PTK6: variants seen among roughly 807,000 people sequenced by gnomAD.
PTK6 encodes the protein protein tyrosine kinase 6.
Under a neutral mutation model 47.5 loss-of-function variants are expected in PTK6, and 47 were observed. The observed-to-expected ratio is 0.99, with a 90% CI of 0.78 to 1.26. The LOEUF is 1.26. Among genes scored for constraint, PTK6 ranks in the 50% most tolerant of loss-of-function variants. The pLI is 0.00. For synonymous variants in PTK6, 287 were observed against 276.5 expected (o/e 1.04, Z -0.38); for missense variants, 618 against 625.3 (o/e 0.99, Z 0.12).
Position 63,533,614 on chromosome 20 carries a change from C to A in PTK6, c.607G>T (p.Gly203Trp). ...LCRKLGSGYF[G>W]EVFEGLWKDR... ...TTCCAGAGCCCCTCGAAGACCTCCC[C>A]AAAGTAGCCGGACCCCAGCTTCCTG... is the stretch of plus-strand genomic sequence containing the variant. The change falls in exon 4 of 8, where the codon GGG becomes TGG. Residue 203 changes from glycine (G) to tryptophan (W), a missense_variant. Transcript: ENST00000542869. This position sits in a 1 kb window ranked among gnomAD's most constrained non-coding sequence, Gnocchi z 4.0. The A allele has an allele frequency of 6.2e-7, 1 of 1,614,008 alleles. No individual in the cohort carries two copies. The highest frequency in any genetic ancestry group is 8.5e-7 in the Non-Finnish European group (1 of 1,180,008).
rs1237127612 is a variant in PTK6, at chr20:63,528,930, G to A, written c.*606C>T. The A allele has an allele frequency of 6.6e-6, 1 of 152,258 alleles. No individual in the cohort carries two copies. Among genetic ancestry groups the A allele is most frequent in the Non-Finnish European group, 1.5e-5 (1 of 68,104 alleles). 9.4% of individuals were successfully genotyped at this position (152,258 alleles called of 1,614,324 possible). A position where few individuals can be genotyped will look rare whatever the true frequency, so the allele number is the denominator to read the frequency against. ...GCACTGACCCAGCGACAAAGGTGAA[G>A]GTGGGAAAAGCCCCTTGTGGACGTG... On this transcript the variant is annotated 3_prime_UTR_variant, in exon 8 of 8. Coordinates refer to ENST00000542869, the MANE Select transcript of PTK6 (RefSeq NM_005975.4).
rs1036602911 is a variant in PTK6 at position 63,536,982 on chromosome 20, G to A, written c.230+103C>T. ...TGGGGTGCAGGAAGATGGAACCGGGGTCCCCACCTTCTTGGGCCTCCCTGA... is the reference window on the plus strand; with the variant it reads ...TGGGGTGCAGGAAGATGGAACCGGGATCCCCACCTTCTTGGGCCTCCCTGA... On this transcript the variant is annotated intron_variant, in intron 1 of 7. Transcript: ENST00000542869. 3.2e-6 allele frequency: 4 copies of A among 1,261,164 alleles called. No homozygotes were observed. In the African/African-American group the frequency reaches 4.5e-5, roughly 14 times the overall value. 78.1% of individuals were successfully genotyped at this position (1,261,164 alleles called of 1,614,324 possible).
At position 63,532,634 on chromosome 20, in the gene PTK6, G is replaced by A; in HGVS notation, c.724C>T (p.Leu242=). 6.2e-7 allele frequency: 1 copy of A among 1,614,146 alleles called. No individual in the cohort carries two copies. The highest frequency in any genetic ancestry group is 1.1e-5 in the South Asian group (1 of 91,092). The change falls in exon 5 of 8, where the codon CTG becomes TTG. Residue 242 remains leucine (L), a synonymous_variant. Coordinates refer to ENST00000542869, the MANE Select transcript of PTK6 (RefSeq NM_005975.4). ...AGCGCCAGGATGTGTTTGTGCCGCA[G>A]CTTCTTCATGGCCTGGATCTCCGAC... ...LQSEIQAMKK[L]RHKHILALYA...
rs200350226 is a variant in PTK6 at position 63,537,106 on chromosome 20, C to T, written c.209G>A (p.Arg70Lys). The change falls in exon 1 of 8, where the codon AGG becomes AAG. Residue 70 changes from arginine (R) to lysine (K), a missense_variant. Physicochemically the swap from Arg to Lys is conservative, Grantham distance 26. Coordinates refer to ENST00000542869, the MANE Select transcript of PTK6 (RefSeq NM_005975.4). ...GCACGGTTCCGACTCCACCGTCTCC[C>T]TCTCGGCCAGGTAGTTGTGGGGCAC... ...GYVPHNYLAE[R>K]ETVESEPWFF... 1.4e-5 allele frequency: 22 copies of T among 1,610,384 alleles called. No homozygotes were observed. In the East Asian group the frequency reaches 4.7e-4, roughly 34 times the overall value.
At chr20:63,536,433 G>A (rs1253301612) in intron 1 of PTK6, among the ~76,000 whole-genome samples, 1 of 150,114 alleles carries the variant, frequency 6.7e-6, no homozygotes, top group Non-Finnish European at 1.5e-5. Flanking sequence ...TCCCCCGGGA[G>A]CTAACCCTAC....
Position 63,530,151 on chromosome 20 carries a change from G to T in PTK6, c.1095C>A (p.Ser365=), listed in dbSNP as rs1294226258. The change falls in exon 7 of 8, where the codon TCC becomes TCA. Residue 365 remains serine (S), a synonymous_variant. Transcript: ENST00000542869. The surrounding 1 kb of genome is among the most constrained non-coding windows in gnomAD (Gnocchi z 4.1). ...CAAAGGACCAGACGTCGGATTTGGTGGAGTAATGGCCTCGGGAGAGCGCTT... is the reference window on the plus strand; with the variant it reads ...CAAAGGACCAGACGTCGGATTTGGTTGAGTAATGGCCTCGGGAGAGCGCTT... ...APEALSRGHY[S]TKSDVWSFGI... 6.2e-7 allele frequency: 1 copy of T among 1,614,102 alleles called. No individual in the cohort carries two copies. The highest frequency in any genetic ancestry group is 2.2e-5 in the East Asian group (1 of 44,886).
At position 63,533,228 on chromosome 20, in the gene PTK6, C is replaced by T. The variant is rs538180523; in HGVS notation, c.670+323G>A. On this transcript the variant is annotated intron_variant, in intron 4 of 7. Transcript: ENST00000542869. The surrounding 1 kb of genome is among the most constrained non-coding windows in gnomAD (Gnocchi z 4.0). ...GACTACAGGCACATGCCTCCACACTCGGCTAATTTTTGTATTTTTAGTAGA... is the reference window on the plus strand; with the variant it reads ...GACTACAGGCACATGCCTCCACACTTGGCTAATTTTTGTATTTTTAGTAGA... 6.6e-5 allele frequency among the ~76,000 whole-genome samples: 10 copies of T among 152,154 alleles called. No homozygotes were observed. The East Asian group carries it at 9.7e-4, about 15-fold the overall frequency.
Position 63,528,271 on chromosome 20 carries a change from C to T in PTK6, c.*1265G>A, listed in dbSNP as rs544495428. 9 of 152,306 alleles carry T rather than the reference C, an allele frequency of 5.9e-5. No individual in the cohort carries two copies. Among genetic ancestry groups the T allele is most frequent in the East Asian group, 1.9e-4 (1 of 5,192 alleles). The allele number at this position is 152,306 out of a possible 1,614,324, so 9.4% of individuals were successfully genotyped here. ...ACTTAGTGTGACTTACTATTTCACA[C>T]GCTTTCCATCTCATGTAGCACATCG... On this transcript the variant is annotated 3_prime_UTR_variant, in exon 8 of 8. Transcript: ENST00000542869.
rs1390603176 is a variant in PTK6, at chr20:63,530,861, A to G, written c.899T>C (p.Met300Thr). 1 of 1,613,802 alleles carries G rather than the reference A, an allele frequency of 6.2e-7. No homozygotes were observed. Among genetic ancestry groups the G allele is most frequent in the African/African-American group, 1.3e-5 (1 of 74,906 alleles). The change falls in exon 6 of 8, where the codon ATG becomes ACG. Residue 300 changes from methionine to threonine, a missense_variant. Physicochemically the swap from Met to Thr is moderately conservative, Grantham distance 81. Coordinates refer to ENST00000542869, the MANE Select transcript of PTK6 (RefSeq NM_005975.4). This position sits in a 1 kb window ranked among gnomAD's most constrained non-coding sequence, Gnocchi z 4.1. ...GTAATTCTGCGACTCCAGGTAACACATGCCCTCAGCCACCTGCCAGGCGAT... is the reference window on the plus strand; with the variant it reads ...GTAATTCTGCGACTCCAGGTAACACGTGCCCTCAGCCACCTGCCAGGCGAT... ...LDIAWQVAEGMCYLESQNYIH... is the reference protein window; with the variant it reads ...LDIAWQVAEGTCYLESQNYIH...
Position 63,534,142 on chromosome 20 carries a change from G to A in PTK6, c.516+10C>T. 1 of 1,543,078 alleles carries A rather than the reference G, an allele frequency of 6.5e-7. No homozygotes were observed. On this transcript the variant is annotated intron_variant, in intron 3 of 7. Transcript: ENST00000542869. ...GACCCCGCGTGACCAAGTCAGGGCG[G>A]AGCGGCTACCTTCCGGCAGGGCGCG...
rs778094424 is a variant in PTK6, at chr20:63,532,601, C to T, written c.757G>A (p.Val253Met). ...TACACGGGGTCCCCCACGGACACCA[C>T]GGCGTACAGCGCCAGGATGTGTTTG... is the stretch of plus-strand genomic sequence containing the variant. ...RHKHILALYA[V>M]VSVGDPVYII... Residue 253 changes from valine (V) to methionine (M), a missense_variant, in exon 5 of 8, where the codon GTG (valine) becomes ATG (methionine). Val to Met is a conservative substitution (Grantham distance 21). Coordinates refer to ENST00000542869, the MANE Select transcript of PTK6 (RefSeq NM_005975.4). 6.6e-5 allele frequency: 106 copies of T among 1,613,982 alleles called. No individual in the cohort carries two copies. The highest frequency in any genetic ancestry group is 7.8e-5 in the Non-Finnish European group (92 of 1,180,014).
At chr20:63,532,880 C>A (rs1056712736) in intron 4 of PTK6, among the ~76,000 whole-genome samples, 193 bp from the exon 5 acceptor site, 9 of 152,196 alleles carry the variant, frequency 5.9e-5, no homozygotes, top group African/African-American at 2.2e-4. Flanking sequence ...CCCACAGGGC[C>A]CCAGCCTGGC....
rs1024187687 is a variant in PTK6 at position 63,532,519 on chromosome 20, C to T, written c.832+7G>A. On this transcript the variant is annotated splice_region_variant and intron_variant, in intron 5 of 7. Transcript: ENST00000542869. ...CTCCAGCAAGAGCCCCGGCCCATGCCACTCACCGCGGAGCAGCTCCAGCAG... is the reference window on the plus strand; with the variant it reads ...CTCCAGCAAGAGCCCCGGCCCATGCTACTCACCGCGGAGCAGCTCCAGCAG... 4 of 1,603,780 alleles carry T rather than the reference C, an allele frequency of 2.5e-6. No individual in the cohort carries two copies. Among genetic ancestry groups the T allele is most frequent in the South Asian group, 1.1e-5 (1 of 90,814 alleles).
intron 5 of PTK6, among the ~76,000 whole-genome samples, chr20:63,531,845 G>A (rs371734217): frequency 9.8e-5 from 14 of 143,552 alleles, no homozygotes; most frequent in South Asian, 4.1e-4. Context: ...CCTGAAGGGC[G>A]TGGGGACTGT....
At position 63,533,597 on chromosome 20, in the gene PTK6, C is replaced by T; in HGVS notation, c.624G>A (p.Gly208=). ...GSGYFGEVFE[G]LWKDRVQVAI... is the part of the protein sequence containing the mutation. The stretch of plus-strand genomic sequence containing the variant: ...CCACCTGGACCCGGTCTTTCCAGAG[C>T]CCCTCGAAGACCTCCCCAAAGTAGC... Residue 208 remains glycine, a synonymous_variant, in exon 4 of 8, where the codon GGG becomes GGA. Transcript: ENST00000542869. This position sits in a 1 kb window ranked among gnomAD's most constrained non-coding sequence, Gnocchi z 4.0. The T allele has an allele frequency of 6.2e-7, 1 of 1,613,654 alleles. No individual in the cohort carries two copies. Among genetic ancestry groups the T allele is most frequent in the Non-Finnish European group, 8.5e-7 (1 of 1,179,896 alleles).
intron 1 of PTK6, among the ~76,000 whole-genome samples, chr20:63,535,525 G>A (rs1326321851): frequency 6.6e-6 from 1 of 152,142 alleles, no homozygotes; most frequent in Non-Finnish European, 1.5e-5. Context: ...ACAGCCACTC[G>A]CGCGCACTAA....
Position 63,530,260 on chromosome 20 carries a change from G to A in PTK6, c.1015-29C>T, listed in dbSNP as rs371437901. 92 of 1,609,860 alleles carry A rather than the reference G, an allele frequency of 5.7e-5. No homozygotes were observed. The highest frequency in any genetic ancestry group is 2.2e-4 in the Admixed American group (13 of 59,924). On this transcript the variant is annotated intron_variant, in intron 6 of 7. Coordinates refer to ENST00000542869, the MANE Select transcript of PTK6 (RefSeq NM_005975.4). This position sits in a 1 kb window ranked among gnomAD's most constrained non-coding sequence, Gnocchi z 4.1. Reference sequence around the variant, plus strand: ...CAATCAGCCTGGAGCTGAGTGGGCCGTGGGGGCTGCCTGTGCCCTGCCCCC... The same window carrying A: ...CAATCAGCCTGGAGCTGAGTGGGCCATGGGGGCTGCCTGTGCCCTGCCCCC...
rs1323847371 is a variant in PTK6 at position 63,529,496 on chromosome 20, C to T, written c.*40G>A. On this transcript the variant is annotated 3_prime_UTR_variant, in exon 8 of 8. Transcript: ENST00000542869. This position sits in a 1 kb window ranked among gnomAD's most constrained non-coding sequence, Gnocchi z 5.6. ...CAGGTCCAGGCCCTCTGCCCAGGCC[C>T]CTCCTCAGCAGGGCCCGGCCATGCC... is the stretch of plus-strand genomic sequence containing the variant. The T allele has an allele frequency of 4.6e-6, 7 of 1,506,028 alleles. 1 individual carries two copies. The South Asian group carries it at 9.0e-5, about 19-fold the overall frequency. 93.3% of individuals were successfully genotyped at this position (1,506,028 alleles called of 1,614,324 possible).
intron 2 of PTK6, 57 bp from the exon 3 acceptor site, chr20:63,534,372 C>T: frequency 6.6e-7 from 1 of 1,508,350 alleles, no homozygotes; most frequent in Non-Finnish European, 8.8e-7. Flanking sequence ...TCCCTGCGTC[C>T]CCAGCCCTGC....
Sources: gnomAD v4.1 joint callset for allele counts (sites outside exome capture counted in the v4.1 genomes callset) on GRCh38, gnomAD v4.1.1 for gene constraint, Gnocchi (gnomAD v3.1) non-coding constraint, MANE v1.5 for transcripts, NCBI Gene and HGNC (gene_info 2026-07-23, HGNC 2026-07-21) for gene names.